Variants in ABTB2 observed in about 807,000 individuals in gnomAD.
ABTB2 encodes the protein ankyrin repeat and BTB/POZ domain-containing protein 2.
In ABTB2, 56 loss-of-function variants were observed where a neutral mutation model predicts 104.1. The ratio of observed to expected loss-of-function variants is 0.54; its 90% CI spans 0.43 to 0.67. The LOEUF (loss-of-function observed/expected upper bound fraction) is 0.67, where lower values mean the gene tolerates loss of function less well. Among genes scored for constraint, ABTB2 ranks in the 30% least tolerant of loss-of-function variants. ABTB2 has a pLI of 0.00. For missense variants in ABTB2, 1,279 were observed against 1,407.7 expected (o/e 0.91, Z 1.46); for synonymous variants, 606 against 608.2 (o/e 1.00, Z 0.05).
intron 1 of ABTB2, among the ~76,000 whole-genome samples, chr11:34,355,544 C>T (rs771636158): frequency 2.0e-5 from 3 of 152,134 alleles, no homozygotes; most frequent in African/African-American, 4.8e-5. Context: ...AATGACGACA[C>T]ATTAAGGGTT....
At chr11:34,328,629 T>G (rs1855096469) in intron 1 of ABTB2, among the ~76,000 whole-genome samples, 1 of 152,236 alleles carries the variant, frequency 6.6e-6, no homozygotes. Context: ...ACCACCTTTT[T>G]GTTCTCCATG....
intron 3 of ABTB2, among the ~76,000 whole-genome samples, chr11:34,184,827 C>T (rs1403339863): frequency 6.6e-6 from 1 of 152,268 alleles, no homozygotes; most frequent in Non-Finnish European, 1.5e-5. Context: ...AGCCATGTGC[C>T]AGGGACTCGC....
chr11:34,222,977 C>G (rs1053150706), intron 1 of ABTB2, among the ~76,000 whole-genome samples: 1 of 152,188 alleles, frequency 6.6e-6, no homozygotes, highest in Non-Finnish European at 1.5e-5. Context: ...GGAGTCTTGG[C>G]CTGTCTGCAC....
rs1852553211 is a variant in ABTB2 at position 34,152,299 on chromosome 11, G to A, written c.*88C>T. ...GAGGAGGAAACAGCCCCGTGAACCT[G>A]GCTCCAAGAGGGCCTACAACCATAC... On this transcript the variant is annotated 3_prime_UTR_variant, in exon 17 of 17. Transcript: ENST00000435224. The A allele has an allele frequency of 6.4e-6, 9 of 1,406,916 alleles. No individual in the cohort carries two copies. Among genetic ancestry groups the A allele is most frequent in the Middle Eastern group, 2.5e-4 (1 of 3,950 alleles). The allele number at this position is 1,406,916 out of a possible 1,614,324, so 87.2% of individuals were successfully genotyped here.
chr11:34,156,916 A>AT (rs1272965438), intron 14 of ABTB2, among the ~76,000 whole-genome samples: 1 of 152,158 alleles, frequency 6.6e-6, no homozygotes, highest in Non-Finnish European at 1.5e-5. Context: ...CCTGCTCTTT[A>AT]TTTTTTATGT....
intron 1 of ABTB2, among the ~76,000 whole-genome samples, chr11:34,296,704 G>C (rs770304240): frequency 7.0e-4 from 107 of 152,294 alleles, no homozygotes; most frequent in Non-Finnish European, 9.9e-4. Flanking sequence ...GAAATAAGGA[G>C]AGACAGCAGG....
Position 34,357,464 on chromosome 11 carries a change from C to G in ABTB2, c.120G>C (p.Gln40His). 6.5e-7 allele frequency: 1 copy of G among 1,547,562 alleles called. No homozygotes were observed. The highest frequency in any genetic ancestry group is 8.7e-7 in the Non-Finnish European group (1 of 1,146,868). ...GCTGCTGCGCCGAAGAGTTGAGCGC[C>G]TGCGAGTTGGACTTGGAGGACGAGA... ...LSLSSSKSNS[Q>H]ALNSSAQQHR... The change falls in exon 1 of 17, where the codon CAG (glutamine) becomes CAC (histidine). Residue 40 changes from glutamine (Q) to histidine (H), a missense_variant. By Grantham distance (24) the Gln-to-His change is conservative. Transcript: ENST00000435224.
At chr11:34,234,891 T>C (rs898606396) in intron 1 of ABTB2, among the ~76,000 whole-genome samples, 2 of 152,230 alleles carry the variant, frequency 1.3e-5, no homozygotes, top group African/African-American at 4.8e-5. Flanking sequence ...AGAGTCTCGC[T>C]CCTTCGCCCA....
intron 4 of ABTB2, among the ~76,000 whole-genome samples, chr11:34,171,574 A>C (rs1307541468): frequency 2.6e-5 from 4 of 152,146 alleles, no homozygotes; most frequent in African/African-American, 9.7e-5. Flanking sequence ...ACTCTGTCTC[A>C]ATCAATCAAT....
At chr11:34,238,720 T>A (rs1180297888) in intron 1 of ABTB2, among the ~76,000 whole-genome samples, 2 of 152,214 alleles carry the variant, frequency 1.3e-5, no homozygotes, top group African/African-American at 2.4e-5. Context: ...TTCCCAAGAC[T>A]ATTCTTTCCT....
Position 34,167,318 on chromosome 11 carries a change from T to G in ABTB2, c.1696A>C (p.Ser566Arg). The part of the protein sequence containing the change: ...SPRHPSIHPD[S>R]RHWTSLTFAV... ...AATGTCAGTGAGGTCCAGTGCCGGCTGTCGGGGTGGATGGAAGGGTGCCTG... is the reference window on the plus strand; with the variant it reads ...AATGTCAGTGAGGTCCAGTGCCGGCGGTCGGGGTGGATGGAAGGGTGCCTG... The change falls in exon 7 of 17, where the codon AGC becomes CGC. Residue 566 changes from serine (S) to arginine (R), a missense_variant. Transcript: ENST00000435224. 3 of 1,613,530 alleles carry G rather than the reference T, an allele frequency of 1.9e-6. No individual in the cohort carries two copies. Among genetic ancestry groups the G allele is most frequent in the Non-Finnish European group, 2.5e-6 (3 of 1,179,726 alleles).
At chr11:34,340,098 G>A (rs573831552) in intron 1 of ABTB2, among the ~76,000 whole-genome samples, 1 of 152,114 alleles carries the variant, frequency 6.6e-6, no homozygotes, top group African/African-American at 2.4e-5. Context: ...CAGGAAGGAA[G>A]GGAAGGGAAG....
intron 1 of ABTB2, among the ~76,000 whole-genome samples, chr11:34,205,457 T>C (rs1049041153): frequency 1.3e-5 from 2 of 152,212 alleles, no homozygotes; most frequent in African/African-American, 4.8e-5. Context: ...GAAATCAGAC[T>C]GGTTTAAAAT....
intron 3 of ABTB2, among the ~76,000 whole-genome samples, chr11:34,191,181 A>G (rs1853170540): frequency 6.6e-6 from 1 of 152,124 alleles, no homozygotes; most frequent in Non-Finnish European, 1.5e-5. Flanking sequence ...AGGTGGGAGG[A>G]TCACTTGCAC....
At chr11:34,300,324 C>A (rs1370735051) in intron 1 of ABTB2, among the ~76,000 whole-genome samples, 1 of 152,220 alleles carries the variant, frequency 6.6e-6, no homozygotes, top group East Asian at 1.9e-4. Flanking sequence ...GTTCTTGCAT[C>A]AGGCGTTTCA....
intron 1 of ABTB2, among the ~76,000 whole-genome samples, chr11:34,238,670 C>T (rs925956311): frequency 6.6e-6 from 1 of 152,206 alleles, no homozygotes; most frequent in Non-Finnish European, 1.5e-5. Flanking sequence ...GAGTGACTGG[C>T]CTGAGCTCAC....
chr11:34,159,087 G>A (rs1852671371), intron 14 of ABTB2, among the ~76,000 whole-genome samples: 1 of 152,236 alleles, frequency 6.6e-6, no homozygotes, highest in Admixed American at 6.5e-5. Flanking sequence ...TAGAGCTCAG[G>A]ACCCATGTGA....
At chr11:34,316,491 T>C (rs1854932008) in intron 1 of ABTB2, among the ~76,000 whole-genome samples, 1 of 152,142 alleles carries the variant, frequency 6.6e-6, no homozygotes, top group African/African-American at 2.4e-5. Context: ...ACTCACTGGA[T>C]CATTTCCTGC....
intron 9 of ABTB2, among the ~76,000 whole-genome samples, chr11:34,163,520 T>C (rs1352632558): frequency 6.6e-6 from 1 of 152,212 alleles, no homozygotes; most frequent in Non-Finnish European, 1.5e-5. Context: ...CCAGGACTTC[T>C]GGCTCCAAGA....
Sources: allele counts gnomAD v4.1 joint callset (sites outside exome capture counted in the v4.1 genomes callset), GRCh38; gene constraint gnomAD v4.1.1; transcripts MANE v1.5; gene names NCBI Gene and HGNC (gene_info 2026-07-23, HGNC 2026-07-21).